Variants in SYT17 observed in about 807,000 individuals in gnomAD.
The protein encoded by SYT17 is synaptotagmin-17.
In SYT17, 22 loss-of-function variants were observed where a neutral mutation model predicts 46.7. The observed-to-expected ratio is 0.47, with a 90% CI of 0.34 to 0.67. SYT17 has a LOEUF of 0.67. Ranked by LOEUF, SYT17 falls within the 30% of genes least tolerant of loss-of-function variation. SYT17 has a pLI of 0.01. For synonymous variants in SYT17, 251 were observed against 248.4 expected (o/e 1.01, Z -0.10); for missense variants, 519 against 612.8 (o/e 0.85, Z 1.62).
intron 7 of SYT17, among the ~76,000 whole-genome samples, chr16:19,264,314 C>T (rs1217472709): frequency 6.6e-6 from 1 of 152,216 alleles, no homozygotes; most frequent in African/African-American, 2.4e-5. Context: ...ATGGGTTTGA[C>T]TGTGTTCCAA....
Position 19,267,173 on chromosome 16 carries a change from C to T in SYT17, c.*97C>T. On this transcript the variant is annotated 3_prime_UTR_variant, in exon 8 of 8. Transcript: ENST00000355377. ...TATTACATCCACACCTGCATACACA[C>T]TCGCAACATGTCTACACACGTCCAC... The T allele has an allele frequency of 9.1e-7, 1 of 1,100,978 alleles. No homozygotes were observed. The highest frequency in any genetic ancestry group is 1.3e-6 in the Non-Finnish European group (1 of 793,354). The allele number at this position is 1,100,978 out of a possible 1,614,324, so 68.2% of individuals were successfully genotyped here. A position where few individuals can be genotyped will look rare whatever the true frequency, so the allele number is the denominator to read the frequency against.
intron 3 of SYT17, 52 bp from the exon 4 acceptor site, chr16:19,180,339 C>T (rs1964495512): frequency 1.9e-6 from 3 of 1,597,010 alleles, no homozygotes; most frequent in African/African-American, 2.7e-5. Flanking sequence ...GACAGAGATG[C>T]CAGTCCCCGG....
intron 1 of SYT17, 73 bp from the exon 2 acceptor site, chr16:19,172,687 G>A (rs1275270959): frequency 6.3e-7 from 1 of 1,589,780 alleles, no homozygotes; most frequent in Non-Finnish European, 8.5e-7. Flanking sequence ...TTGCTAAACT[G>A]GTCTTGTCTC....
At position 19,256,117 on chromosome 16, in the gene SYT17, C is replaced by A. The variant is rs115888329; in HGVS notation, c.1229-10763C>A. Among the ~76,000 whole-genome samples, 520 of 152,164 alleles carry A rather than the reference C, an allele frequency of 3.4e-3. 2 individuals carry two copies. Among genetic ancestry groups the A allele is most frequent in the African/African-American group, 0.012 (483 of 41,522 alleles). The stretch of plus-strand genomic sequence containing the variant: ...GTACAAACCTCATAGATTTGTTGTG[C>A]GGATTAAATTTGTGTACTGAAATCC... On this transcript the variant is annotated intron_variant, in intron 7 of 7. Coordinates refer to ENST00000355377, the MANE Select transcript of SYT17 (RefSeq NM_016524.4).
At position 19,203,935 on chromosome 16, in the gene SYT17, C is replaced by T. The variant is rs368715831; in HGVS notation, c.952-19110C>T. ...GGGCAATGGTGCAACATAAGATTGACGGAAGCGGAAGCTGGGGAATGAAAA... is the reference window on the plus strand; with the variant it reads ...GGGCAATGGTGCAACATAAGATTGATGGAAGCGGAAGCTGGGGAATGAAAA... On this transcript the variant is annotated intron_variant, in intron 5 of 7. Transcript: ENST00000355377. 9.2e-5 allele frequency among the ~76,000 whole-genome samples: 14 copies of T among 152,284 alleles called. No individual in the cohort carries two copies. In the South Asian group the frequency reaches 2.1e-3, roughly 23 times the overall value.
intron 7 of SYT17, among the ~76,000 whole-genome samples, chr16:19,244,345 T>A (rs941846174): frequency 7.9e-5 from 12 of 151,776 alleles, no homozygotes; most frequent in Non-Finnish European, 1.2e-4. Context: ...TATTATTATT[T>A]TTTTTTGAGA....
intron 7 of SYT17, among the ~76,000 whole-genome samples, chr16:19,254,613 G>A (rs1410135671): frequency 6.6e-6 from 1 of 152,266 alleles, no homozygotes; most frequent in East Asian, 1.9e-4. Context: ...CCTTCTGCAG[G>A]CCTTACCTCA....
intron 5 of SYT17, among the ~76,000 whole-genome samples, chr16:19,208,352 G>C (rs746848831): frequency 6.6e-6 from 1 of 152,186 alleles, no homozygotes; most frequent in African/African-American, 2.4e-5. Flanking sequence ...GCACTACTAA[G>C]AAAAGAGGTT....
chr16:19,266,566 G>C (rs140872622), intron 7 of SYT17, among the ~76,000 whole-genome samples: 1 of 152,262 alleles, frequency 6.6e-6, no homozygotes, highest in African/African-American at 2.4e-5. Context: ...ATACGTTTAA[G>C]GCTGCATATT....
At chr16:19,263,032 A>G (rs1318847453) in intron 7 of SYT17, among the ~76,000 whole-genome samples, 1 of 119,944 alleles carries the variant, frequency 8.3e-6, no homozygotes, top group Non-Finnish European at 1.7e-5. Context: ...AAGGAGTCAG[A>G]TAATCTTTTT....
intron 2 of SYT17, 31 bp from the exon 3 acceptor site, chr16:19,173,398 AT>A: frequency 4.6e-5 from 2 of 43,348 alleles, no homozygotes; most frequent in Non-Finnish European, 8.3e-5. Flanking sequence ...CCTCTCCCCC[AT>A]CCCCCCGCCC....
intron 7 of SYT17, among the ~76,000 whole-genome samples, chr16:19,232,851 CAA>C (rs1288741937): frequency 6.6e-6 from 1 of 151,628 alleles, no homozygotes; most frequent in Admixed American, 6.6e-5. Context: ...AACAAACAAA[CAA>C]ACAAACAAAC....
In SYT17 at chr16:19,183,744, AC is replaced by A; in HGVS notation, c.550del (p.Gln184SerfsTer22). 6.2e-7 allele frequency: 1 copy of A among 1,614,186 alleles called. No individual in the cohort carries two copies. Among genetic ancestry groups the A allele is most frequent in the Non-Finnish European group, 8.5e-7 (1 of 1,180,020 alleles). The stretch of plus-strand genomic sequence containing the variant: ...ACAGACGAGGAGATCCTGTCCAAGT[AC>A]CAGCTGGGCATGCTGCACTTCAGCA... The part of the protein sequence containing the change: ...SLTDEEILSK[Y>X]QLGMLHFSTQ... On this transcript the variant is annotated frameshift_variant, in exon 5 of 8. Coordinates refer to ENST00000355377, the MANE Select transcript of SYT17 (RefSeq NM_016524.4). LOFTEE classifies it high-confidence loss of function. This position sits in a 1 kb window ranked among gnomAD's most constrained non-coding sequence, Gnocchi z 5.6.
At chr16:19,230,754 C>G (rs949240034) in intron 7 of SYT17, among the ~76,000 whole-genome samples, 18 of 152,154 alleles carry the variant, frequency 1.2e-4, no homozygotes, top group Non-Finnish European at 4.4e-5. Context: ...GTAATCTTGG[C>G]ACTTTGCTTG....
chr16:19,236,800 C>G (rs866939555), intron 7 of SYT17, among the ~76,000 whole-genome samples: 1 of 152,180 alleles, frequency 6.6e-6, no homozygotes, highest in African/African-American at 2.4e-5. Context: ...AAGCTTGTCA[C>G]GCCTTTGGCA....
intron 5 of SYT17, among the ~76,000 whole-genome samples, chr16:19,210,827 G>A (rs1965872230): frequency 6.6e-6 from 1 of 152,186 alleles, no homozygotes; most frequent in African/African-American, 2.4e-5. Context: ...TAAAATTTGT[G>A]TGCGCACATT....
At chr16:19,246,344 A>T (rs1158435006) in intron 7 of SYT17, among the ~76,000 whole-genome samples, 1 of 152,146 alleles carries the variant, frequency 6.6e-6, no homozygotes, top group Non-Finnish European at 1.5e-5. Context: ...TTAGCCACCA[A>T]TATATTAATA....
intron 3 of SYT17, 41 bp from the exon 4 acceptor site, chr16:19,180,350 G>T: frequency 2.5e-6 from 4 of 1,606,864 alleles, no homozygotes; most frequent in Non-Finnish European, 3.4e-6. Flanking sequence ...CAGTCCCCGG[G>T]GATTCCTGGA....
At chr16:19,182,459 T>A (rs1226660026) in intron 4 of SYT17, among the ~76,000 whole-genome samples, 2 of 152,242 alleles carry the variant, frequency 1.3e-5, no homozygotes, top group African/African-American at 4.8e-5. Context: ...TTTATTTGCA[T>A]ATTTTAAAAG....
Sources: gnomAD v4.1 joint callset for allele counts (sites outside exome capture counted in the v4.1 genomes callset) on GRCh38, gnomAD v4.1.1 for gene constraint, Gnocchi (gnomAD v3.1) non-coding constraint, MANE v1.5 for transcripts, NCBI Gene and HGNC (gene_info 2026-07-23, HGNC 2026-07-21) for gene names.